Variants in ATXN7L1 observed in about 807,000 individuals in gnomAD.
ATXN7L1 encodes ataxin 7 like 1.
ATXN7L1 carries 15 observed loss-of-function variants against 70.8 expected under a neutral mutation model. The observed-to-expected ratio is 0.21, with a 90% CI of 0.14 to 0.33. The LOEUF (loss-of-function observed/expected upper bound fraction) is 0.33, where lower values mean the gene tolerates loss of function less well. Among genes scored for constraint, ATXN7L1 ranks in the 10% least tolerant of loss-of-function variants. The pLI, the probability that ATXN7L1 is intolerant of heterozygous loss-of-function variation, is 1.00. For missense variants in ATXN7L1, 975 were observed against 1,097.1 expected, an observed-to-expected ratio of 0.89 and a Z score of 1.57; for synonymous variants, 440 against 445.1, an observed-to-expected ratio of 0.99 and a Z score of 0.14.
chr7:105,676,493 C>A (rs1025383742), intron 3 of ATXN7L1, among the ~76,000 whole-genome samples: 14 of 152,258 alleles, frequency 9.2e-5, no homozygotes, highest in Non-Finnish European at 1.9e-4. Context: ...GAGCCACAGA[C>A]CCCAGGATCT....
intron 3 of ATXN7L1, among the ~76,000 whole-genome samples, chr7:105,675,606 A>G (rs1056712517): frequency 2.0e-5 from 3 of 152,114 alleles, no homozygotes; most frequent in Non-Finnish European, 4.4e-5. Flanking sequence ...GCCTGGTGAC[A>G]GAATGAGACC....
At chr7:105,611,955 A>G (rs777869702) in intron 10 of ATXN7L1, among the ~76,000 whole-genome samples, 6 of 152,338 alleles carry the variant, frequency 3.9e-5, no homozygotes, top group South Asian at 2.1e-4. Flanking sequence ...TAGAGAACCA[A>G]TGCTGACCAT....
intron 2 of ATXN7L1, among the ~76,000 whole-genome samples, chr7:105,791,107 G>C (rs973028515): frequency 6.6e-6 from 1 of 152,224 alleles, no homozygotes; most frequent in African/African-American, 2.4e-5. Flanking sequence ...ATAGGCAAGG[G>C]GTGAGGCCCC....
intron 3 of ATXN7L1, among the ~76,000 whole-genome samples, chr7:105,747,778 G>A (rs1563060618): frequency 2.0e-5 from 3 of 152,188 alleles, no homozygotes. Context: ...CACTGTGGAA[G>A]TGATTGTTTG....
rs1797690416 is a variant in ATXN7L1, at chr7:105,638,379, G to A, written c.1176C>T (p.Ser392=). 6.4e-7 allele frequency: 1 copy of A among 1,551,876 alleles called. No individual in the cohort carries two copies. Among genetic ancestry groups the A allele is most frequent in the South Asian group, 1.2e-5 (1 of 84,066 alleles). The change falls in exon 7 of 12, where the codon TCC becomes TCT. Residue 392 remains serine (S), a synonymous_variant. Transcript: ENST00000419735. The part of the protein sequence containing the change: ...PEPKVASPAK[S]RPPNSVLPRP... Reference sequence around the variant, plus strand: ...TAGGAAGTACAGAGTTGGGTGGTCTGGATTTTGCAGGGGATGCAACTTTTG... The same window carrying A: ...TAGGAAGTACAGAGTTGGGTGGTCTAGATTTTGCAGGGGATGCAACTTTTG...
At chr7:105,653,276 C>T (rs1165939284) in intron 4 of ATXN7L1, among the ~76,000 whole-genome samples, 1 of 151,972 alleles carries the variant, frequency 6.6e-6, no homozygotes, top group Non-Finnish European at 1.5e-5. Context: ...CATGAAACCC[C>T]GTCTCTACTA....
chr7:105,748,431 G>A (rs1419434666), intron 3 of ATXN7L1, among the ~76,000 whole-genome samples: 4 of 152,138 alleles, frequency 2.6e-5, no homozygotes, highest in East Asian at 1.9e-4. Flanking sequence ...GGTTAGATCC[G>A]ACCATCTTAG....
chr7:105,762,433 G>A (rs1254970877), intron 3 of ATXN7L1, among the ~76,000 whole-genome samples: 1 of 152,128 alleles, frequency 6.6e-6, no homozygotes, highest in East Asian at 1.9e-4. Context: ...TGAGCCTTGG[G>A]ACTCATAGGT....
At chr7:105,803,561 A>T (rs1751494440) in intron 2 of ATXN7L1, among the ~76,000 whole-genome samples, 1 of 152,204 alleles carries the variant, frequency 6.6e-6, no homozygotes, top group Non-Finnish European at 1.5e-5. Context: ...TACTGCTGAG[A>T]TAAGGCAGCG....
intron 2 of ATXN7L1, chr7:105,819,365 A>AAT: frequency 2.2e-6 from 1 of 460,314 alleles, no homozygotes; most frequent in Non-Finnish European, 4.0e-6. Context: ...ATTAAAAAAA[A>AAT]ATCTGTATAT....
Position 105,614,767 on chromosome 7 carries a change from T to G in ATXN7L1, c.1567A>C (p.Ile523Leu), listed in dbSNP as rs1185901891. 1 of 1,551,398 alleles carries G rather than the reference T, an allele frequency of 6.4e-7. No homozygotes were observed. Among genetic ancestry groups the G allele is most frequent in the Non-Finnish European group, 8.7e-7 (1 of 1,146,936 alleles). Residue 523 changes from isoleucine to leucine, a missense_variant, in exon 10 of 12, where the codon ATC becomes CTC. By Grantham distance (5) the Ile-to-Leu change is conservative (BLOSUM62 2). Transcript: ENST00000419735. This position sits in a 1 kb window ranked among gnomAD's most constrained non-coding sequence, Gnocchi z 4.3. ...DSPLPSPAAH[I>L]TTPVPASVLQ... ...ACGGATGCTGGAACGGGGGTGGTGA[T>G]GTGGGCTGCTGGCGAGGGCAGGGGG...
At chr7:105,831,310 G>A (rs1811564694) in intron 2 of ATXN7L1, among the ~76,000 whole-genome samples, 1 of 152,174 alleles carries the variant, frequency 6.6e-6, no homozygotes, top group Non-Finnish European at 1.5e-5. Flanking sequence ...AGCACATTAG[G>A]CTCATTCAGG....
At chr7:105,686,147 C>T (rs1806161522) in intron 3 of ATXN7L1, among the ~76,000 whole-genome samples, 1 of 151,706 alleles carries the variant, frequency 6.6e-6, no homozygotes, top group Non-Finnish European at 1.5e-5. Flanking sequence ...AAAAAAAATA[C>T]ACAGATGCTC....
chr7:105,770,370 A>G (rs1196950516), intron 3 of ATXN7L1, among the ~76,000 whole-genome samples: 2 of 152,248 alleles, frequency 1.3e-5, no homozygotes, highest in Non-Finnish European at 2.9e-5. Context: ...GCTGAGTCCT[A>G]TAAATGGATA....
chr7:105,868,730 C>G (rs1211098306), intron 2 of ATXN7L1, among the ~76,000 whole-genome samples: 1 of 152,098 alleles, frequency 6.6e-6, no homozygotes, highest in African/African-American at 2.4e-5. Context: ...AATTTTGTAA[C>G]ATGAACATTA....
intron 3 of ATXN7L1, among the ~76,000 whole-genome samples, chr7:105,677,308 G>C (rs770298782): frequency 1.2e-4 from 19 of 152,168 alleles, no homozygotes; most frequent in Non-Finnish European, 2.4e-4. Context: ...TGGGACTTGG[G>C]GAAATAACTT....
chr7:105,835,434 C>T (rs1159388103), intron 2 of ATXN7L1, among the ~76,000 whole-genome samples: 1 of 100,386 alleles, frequency 1.0e-5, no homozygotes, highest in Admixed American at 1.2e-4. Flanking sequence ...GGATTACAGG[C>T]GTGAGCCAGT....
intron 3 of ATXN7L1, among the ~76,000 whole-genome samples, chr7:105,719,952 C>T (rs1313422121): frequency 5.9e-5 from 9 of 152,212 alleles, no homozygotes; most frequent in Admixed American, 5.9e-4. Flanking sequence ...AGCCGTGACC[C>T]CACTTTGGAT....
rs1013094540 is a variant in ATXN7L1 at position 105,620,246 on chromosome 7, C to T, written c.1471G>A (p.Ala491Thr). 1.2e-5 allele frequency: 19 copies of T among 1,551,226 alleles called. No individual in the cohort carries two copies. Among genetic ancestry groups the T allele is most frequent in the Admixed American group, 7.8e-5 (4 of 50,976 alleles). ...TGTTTTTCTACCATGGAGTTTAGTG[C>T]GAATCGAAAACGATCCCATCTTCTA... ...FDRRWDRFRF[A>T]LNSMVEKHLN... The change falls in exon 9 of 12, where the codon GCA becomes ACA. Residue 491 changes from alanine to threonine, a missense_variant. By Grantham distance (58) the Ala-to-Thr change is moderately conservative (BLOSUM62 0). This residue lies in a region of ATXN7L1 where 635 missense variants were observed against 699.4 expected (regional missense o/e 0.91). Transcript: ENST00000419735.
Sources: gnomAD v4.1 joint callset for allele counts (sites outside exome capture counted in the v4.1 genomes callset) on GRCh38, gnomAD v4.1.1 for gene constraint, gnomAD v4.1.1 regional missense constraint, Gnocchi (gnomAD v3.1) non-coding constraint, MANE v1.5 for transcripts, NCBI Gene and HGNC (gene_info 2026-07-23, HGNC 2026-07-21) for gene names.